YPEL2: variants seen among roughly 807,000 people sequenced by gnomAD.
YPEL2 encodes the protein protein yippee-like 2.
A neutral mutation model predicts 19.1 loss-of-function variants in YPEL2; 2 were observed. The observed-to-expected ratio is 0.10, with a 90% CI of 0.04 to 0.33. The LOEUF (loss-of-function observed/expected upper bound fraction) is 0.33. Among genes scored for constraint, YPEL2 ranks in the 10% least tolerant of loss-of-function variants. The pLI is 1.00. For missense variants in YPEL2, 66 were observed against 140.7 expected (o/e 0.47, Z 2.68); for synonymous variants, 52 against 50.0 (o/e 1.04, Z -0.17).
chr17:59,375,756 AGAG>A (rs1436811257), intron 2 of YPEL2, among the ~76,000 whole-genome samples: 1 of 152,214 alleles, frequency 6.6e-6, no homozygotes, highest in Non-Finnish European at 1.5e-5. Context: ...CACTTGAGCG[AGAG>A]AATTAAATTT....
At position 59,397,251 on chromosome 17, in the gene YPEL2, C is replaced by A; in HGVS notation, c.*61C>A. On this transcript the variant is annotated 3_prime_UTR_variant, in exon 5 of 5. Coordinates refer to ENST00000312655, the MANE Select transcript of YPEL2 (RefSeq NM_001005404.4). Reference sequence around the variant, plus strand: ...ACGCCATTCAACCGAACATTCTTCCCAAGCGTGAGAGAGTGACTGACACTT... The same window carrying A: ...ACGCCATTCAACCGAACATTCTTCCAAAGCGTGAGAGAGTGACTGACACTT... The A allele has an allele frequency of 1.5e-6, 2 of 1,359,824 alleles. No homozygotes were observed. The highest frequency in any genetic ancestry group is 2.6e-5 in the East Asian group (1 of 38,900). The allele number at this position is 1,359,824 out of a possible 1,614,324, so 84.2% of individuals were successfully genotyped here. A position where few individuals can be genotyped will look rare whatever the true frequency, so the allele number is the denominator to read the frequency against.
At chr17:59,334,561 T>A (rs2047689502) in intron 1 of YPEL2, among the ~76,000 whole-genome samples, 1 of 121,250 alleles carries the variant, frequency 8.2e-6, no homozygotes, top group South Asian at 2.8e-4. Context: ...GTTATCTGCC[T>A]TCAGGCACAA....
intron 2 of YPEL2, among the ~76,000 whole-genome samples, chr17:59,357,872 GCTTTAGTGCT>G (rs2047820802): frequency 6.6e-6 from 1 of 152,162 alleles, no homozygotes; most frequent in African/African-American, 2.4e-5. Flanking sequence ...ACACACGGTT[GCTTTAGTGCT>G]CTGGGTCCTG....
chr17:59,347,824 C>T (rs1033154245), intron 1 of YPEL2, among the ~76,000 whole-genome samples: 4 of 152,050 alleles, frequency 2.6e-5, no homozygotes, highest in Admixed American at 2.0e-4. Context: ...TACACACAGG[C>T]ATCAGGTTCA....
intron 4 of YPEL2, among the ~76,000 whole-genome samples, chr17:59,395,026 C>T (rs977374407): frequency 3.3e-5 from 5 of 152,170 alleles, no homozygotes; most frequent in Non-Finnish European, 5.9e-5. Context: ...TGCAGTGAGT[C>T]GAGATGGCAT....
chr17:59,396,012 C>T (rs1044370073), intron 4 of YPEL2, among the ~76,000 whole-genome samples: 3 of 152,040 alleles, frequency 2.0e-5, no homozygotes, highest in South Asian at 2.1e-4. Context: ...ACCCGGGAGA[C>T]GGAGCTTGTA....
At chr17:59,379,954 G>A (rs1411827999) in intron 2 of YPEL2, among the ~76,000 whole-genome samples, 2 of 151,788 alleles carry the variant, frequency 1.3e-5, no homozygotes, top group Non-Finnish European at 2.9e-5. Flanking sequence ...TCTACCTCCC[G>A]GGTTCACGTG....
chr17:59,391,009 T>A (rs1179167216), intron 4 of YPEL2, among the ~76,000 whole-genome samples: 3 of 152,234 alleles, frequency 2.0e-5, no homozygotes, highest in African/African-American at 7.2e-5. Context: ...CTTAAATTGT[T>A]ATTTTTATTA....
chr17:59,391,508 G>A (rs2048007306), intron 4 of YPEL2, among the ~76,000 whole-genome samples: 1 of 151,810 alleles, frequency 6.6e-6, no homozygotes, highest in South Asian at 2.1e-4. Context: ...TTGAAAATGT[G>A]GAAATCATTA....
chr17:59,393,273 G>A (rs1598054720), intron 4 of YPEL2, among the ~76,000 whole-genome samples: 1 of 150,608 alleles, frequency 6.6e-6, no homozygotes. Flanking sequence ...GACCACAGGT[G>A]CATGACATCA....
chr17:59,357,820 A>G (rs2047820468), intron 2 of YPEL2, among the ~76,000 whole-genome samples: 1 of 152,088 alleles, frequency 6.6e-6, no homozygotes, highest in South Asian at 2.1e-4. Flanking sequence ...AATTGGATTA[A>G]TCTATCACAG....
intron 1 of YPEL2, among the ~76,000 whole-genome samples, chr17:59,349,293 A>G: frequency 6.7e-6 from 1 of 149,984 alleles, no homozygotes; most frequent in East Asian, 1.9e-4. Flanking sequence ...TTTGGTCCCC[A>G]TCTCTCAGCT....
intron 1 of YPEL2, among the ~76,000 whole-genome samples, chr17:59,333,019 G>T (rs1008452444): frequency 2.0e-5 from 3 of 152,220 alleles, no homozygotes; most frequent in Admixed American, 6.5e-5. Flanking sequence ...GTGCCTCACA[G>T]AGCATTAAAG....
Position 59,401,250 on chromosome 17 carries a change from A to T in YPEL2, c.*4060A>T, listed in dbSNP as rs1016909405. 2.6e-5 allele frequency: 4 copies of T among 152,246 alleles called. No individual in the cohort carries two copies. Among genetic ancestry groups the T allele is most frequent in the African/African-American group, 9.7e-5 (4 of 41,440 alleles). The allele number at this position is 152,246 out of a possible 1,614,324, so 9.4% of individuals were successfully genotyped here. ...ACAATCAACTTACATATTTTAAAGG[A>T]ATCTGCCTCAAATGAGAAAATATGC... On this transcript the variant is annotated 3_prime_UTR_variant, in exon 5 of 5. Coordinates refer to ENST00000312655, the MANE Select transcript of YPEL2 (RefSeq NM_001005404.4).
intron 1 of YPEL2, among the ~76,000 whole-genome samples, chr17:59,343,886 C>T (rs1012929224): frequency 2.0e-5 from 3 of 152,072 alleles, no homozygotes; most frequent in Non-Finnish European, 4.4e-5. Context: ...GGGAAGCTGT[C>T]GCAGTAGTCC....
chr17:59,339,184 A>G (rs562521029), intron 1 of YPEL2, among the ~76,000 whole-genome samples: 52 of 131,598 alleles, frequency 4.0e-4, no homozygotes, highest in African/African-American at 1.5e-3. Flanking sequence ...CCCTCCCTAC[A>G]TTGACCCATT....
chr17:59,349,365 T>C (rs1287538551), intron 1 of YPEL2, among the ~76,000 whole-genome samples: 12 of 144,924 alleles, frequency 8.3e-5, no homozygotes, highest in Admixed American at 2.7e-4. Context: ...TTTCTTTTTT[T>C]TTTTTTTTTT....
intron 1 of YPEL2, among the ~76,000 whole-genome samples, chr17:59,332,941 C>T (rs1391871818): frequency 6.6e-6 from 1 of 152,226 alleles, no homozygotes; most frequent in Non-Finnish European, 1.5e-5. Flanking sequence ...CTTTTCCTCC[C>T]TGCCCTTCCT....
At chr17:59,342,685 C>T (rs1028664665) in intron 1 of YPEL2, among the ~76,000 whole-genome samples, 4 of 152,172 alleles carry the variant, frequency 2.6e-5, no homozygotes, top group African/African-American at 4.8e-5. Flanking sequence ...TGTTGAAGGG[C>T]GGCAGTCTCT....
Sources: gnomAD v4.1 joint callset for allele counts (sites outside exome capture counted in the v4.1 genomes callset) on GRCh38, gnomAD v4.1.1 for gene constraint, MANE v1.5 for transcripts, NCBI Gene and HGNC (gene_info 2026-07-23, HGNC 2026-07-21) for gene names.